COL4A5: variants seen among roughly 807,000 people sequenced by gnomAD.
COL4A5 encodes the protein collagen alpha-5(IV) chain.
In COL4A5, 26 loss-of-function variants were observed where a neutral mutation model predicts 130.2. The ratio of observed to expected loss-of-function variants is 0.20; its 90% CI spans 0.15 to 0.28. COL4A5 has a LOEUF of 0.28. Among genes scored for constraint, COL4A5 ranks in the 10% least tolerant of loss-of-function variants. The probability of loss-of-function intolerance (pLI) is 1.00; values close to 1 mark genes in which losing one functional copy is unlikely to be tolerated. For missense variants in COL4A5, 1,131 were observed against 1,344.3 expected (o/e 0.84, Z 2.48); for synonymous variants, 496 against 439.6 (o/e 1.13, Z -1.60).
chrX:108,685,703 T>G (rs2068529547), intron 47 of COL4A5, among the ~76,000 whole-genome samples: 1 of 112,232 alleles, frequency 8.9e-6, no homozygotes, highest in African/African-American at 3.2e-5. Context: ...AGTGATCAAG[T>G]GACAGTCTTA....
At chrX:108,641,077 A>T (rs767607818) in intron 36 of COL4A5, among the ~76,000 whole-genome samples, 76 of 111,823 alleles carry the variant, frequency 6.8e-4, no homozygotes, top group African/African-American at 2.4e-3. Context: ...GAAAATAACA[A>T]ATGTTGGCAA....
At chrX:108,455,678 T>C (rs761832727) in intron 1 of COL4A5, among the ~76,000 whole-genome samples, 2 of 112,469 alleles carry the variant, frequency 1.8e-5, no homozygotes, top group Non-Finnish European at 3.8e-5. Context: ...TTTGTATTTA[T>C]GTCCATTTTT....
At chrX:108,564,795 C>T (rs2065944441) in intron 4 of COL4A5, among the ~76,000 whole-genome samples, 1 of 111,355 alleles carries the variant, frequency 9.0e-6, no homozygotes, top group Non-Finnish European at 1.9e-5. Flanking sequence ...ACAAAGATAA[C>T]CATTTGATCA....
At chrX:108,552,785 G>A (rs1193259041) in intron 2 of COL4A5, among the ~76,000 whole-genome samples, 2 of 111,831 alleles carry the variant, frequency 1.8e-5, no homozygotes, top group African/African-American at 3.2e-5. Context: ...AATTTAACAA[G>A]CTGATCCTAA....
At chrX:108,606,921 T>C in intron 29 of COL4A5, 29 bp downstream of exon 29, 1 of 1,205,997 alleles carries the variant, frequency 8.3e-7, no homozygotes, top group African/African-American at 1.7e-5. Flanking sequence ...CATCTCAACT[T>C]GCTTTTAACT....
chrX:108,695,181 G>C (rs2068712465), intron 51 of COL4A5, 86 bp from the exon 52 acceptor site: 1 of 1,118,810 alleles, frequency 8.9e-7, no homozygotes, highest in East Asian at 3.0e-5. Context: ...ATTTGAATTT[G>C]GCCAAGCTCA....
In COL4A5 at chrX:108,628,486, A is replaced by G. The variant is rs924886172; in HGVS notation, c.3246+2137A>G. 4.5e-5 allele frequency among the ~76,000 whole-genome samples: 5 copies of G among 111,345 alleles called. No homozygotes were observed. The Admixed American group carries it at 4.8e-4, about 11-fold the overall frequency. On this transcript the variant is annotated intron_variant, in intron 36 of 52. Transcript: ENST00000328300. ...TCTAATGGGTGAAAAGTAGTGTATC[A>G]TTATTGTTTATATTTGAATTTTCCT...
At chrX:108,685,285 G>T (rs2068522749) in intron 47 of COL4A5, among the ~76,000 whole-genome samples, 1 of 111,451 alleles carries the variant, frequency 9.0e-6, no homozygotes, top group Non-Finnish European at 1.9e-5. Context: ...CCTTTTACAT[G>T]TCAGAGGTTG....
intron 1 of COL4A5, among the ~76,000 whole-genome samples, chrX:108,527,525 C>T (rs1254579734): frequency 8.9e-6 from 1 of 111,934 alleles, no homozygotes; most frequent in Admixed American, 9.4e-5. Flanking sequence ...ATGTTGCCTA[C>T]CCACCAGCCC....
rs182463210 is a variant in COL4A5, at chrX:108,672,673, T to C, written c.3800-2072T>C. ...TGACTTGGCATATAGCTCATTAAAA[T>C]GTTGCTTTTTAAAATAGAGTCTTAG... On this transcript the variant is annotated intron_variant, in intron 42 of 52. Transcript: ENST00000328300. Among the ~76,000 whole-genome samples, 41 of 112,197 alleles carry C rather than the reference T, an allele frequency of 3.7e-4. No individual in the cohort carries two copies. The East Asian group carries it at 8.1e-3, about 22-fold the overall frequency.
intron 6 of COL4A5, 166 bp downstream of exon 6, chrX:108,568,987 A>G (rs1040947328): frequency 2.2e-6 from 1 of 446,544 alleles, no homozygotes; most frequent in Non-Finnish European, 3.9e-6. Context: ...TGAACTATCA[A>G]TAATTTCATT....
intron 10 of COL4A5, among the ~76,000 whole-genome samples, 193 bp from the exon 11 acceptor site, chrX:108,577,759 T>A (rs1470496379): frequency 9.0e-6 from 1 of 111,580 alleles, no homozygotes; most frequent in Non-Finnish European, 1.9e-5. Context: ...TTCTATTTTG[T>A]CATCAGAGGT....
intron 36 of COL4A5, among the ~76,000 whole-genome samples, chrX:108,635,185 T>A (rs1050358160): frequency 9.0e-6 from 1 of 110,562 alleles, no homozygotes; most frequent in Non-Finnish European, 1.9e-5. Context: ...GTCACTTAAT[T>A]CTTCAGTGTC....
At chrX:108,591,301 C>T in intron 20 of COL4A5, 70 bp downstream of exon 20, 4 of 1,038,436 alleles carry the variant, frequency 3.9e-6, no homozygotes, top group Non-Finnish European at 5.3e-6. Flanking sequence ...GTAACTCTAG[C>T]TAAAGGTTGG....
intron 30 of COL4A5, among the ~76,000 whole-genome samples, chrX:108,616,779 CTCTT>C (rs1338009474): frequency 1.8e-5 from 2 of 110,519 alleles, no homozygotes; most frequent in South Asian, 3.7e-4. Context: ...CTAATGTTCT[CTCTT>C]TCTTTCTCCC....
At chrX:108,655,694 G>A (rs1420209643) in intron 37 of COL4A5, among the ~76,000 whole-genome samples, 1 of 112,737 alleles carries the variant, frequency 8.9e-6, no homozygotes, top group Non-Finnish European at 1.9e-5. Context: ...GAGACTGTTT[G>A]GTGGAGCATT....
chrX:108,563,430 AG>A (rs940764650), intron 3 of COL4A5, among the ~76,000 whole-genome samples: 8 of 111,517 alleles, frequency 7.2e-5, no homozygotes, highest in African/African-American at 2.6e-4. Context: ...AACAAAGCAG[AG>A]GTTTGAAAAC....
intron 19 of COL4A5, among the ~76,000 whole-genome samples, chrX:108,587,323 C>G (rs60098734): frequency 9.1e-6 from 1 of 110,053 alleles, no homozygotes; most frequent in Non-Finnish European, 1.9e-5. Context: ...TCCATGAGAT[C>G]AACTTTTTTT....
At chrX:108,671,290 G>A (rs888590848) in intron 42 of COL4A5, among the ~76,000 whole-genome samples, 3 of 111,691 alleles carry the variant, frequency 2.7e-5, no homozygotes, top group Admixed American at 9.5e-5. Flanking sequence ...AGAGGTAATA[G>A]TATACCCCAT....
Sources: allele counts gnomAD v4.1 joint callset (sites outside exome capture counted in the v4.1 genomes callset), GRCh38; gene constraint gnomAD v4.1.1; transcripts MANE v1.5; gene names NCBI Gene and HGNC (gene_info 2026-07-23, HGNC 2026-07-21).